The following SLC8A3 variants were observed in gnomAD, a reference collection of about 807,000 sequenced individuals.
The protein encoded by SLC8A3 is solute carrier family 8 member A3, also known as sodium/calcium exchanger 3.
In SLC8A3, 37 loss-of-function variants were observed where a neutral mutation model predicts 65.4. The ratio of observed to expected loss-of-function variants is 0.57; its 90% CI spans 0.44 to 0.74. The LOEUF (loss-of-function observed/expected upper bound fraction) is 0.74. Ranked by LOEUF, SLC8A3 falls within the 30% of genes least tolerant of loss-of-function variation. The probability of loss-of-function intolerance (pLI) is 0.00; values close to 1 mark genes in which losing one functional copy is unlikely to be tolerated. For missense variants in SLC8A3, 1,112 were observed against 1,172.1 expected, an observed-to-expected ratio of 0.95 and a Z score of 0.75; for synonymous variants, 461 against 444.5, an observed-to-expected ratio of 1.04 and a Z score of -0.47.
intron 1 of SLC8A3, among the ~76,000 whole-genome samples, chr14:70,171,282 A>T (rs536944117): frequency 6.6e-6 from 1 of 152,308 alleles, no homozygotes; most frequent in East Asian, 1.9e-4. Context: ...GACATGGAAC[A>T]TTGGGATGGT....
At chr14:70,126,647 G>T (rs1894478092) in intron 2 of SLC8A3, among the ~76,000 whole-genome samples, 1 of 150,642 alleles carries the variant, frequency 6.6e-6, no homozygotes, top group South Asian at 2.1e-4. Flanking sequence ...CTGTTCAAGG[G>T]GTGCCCAGAG....
At chr14:70,123,073 CAAAAAAAAAAAA>C (rs35933485) in intron 2 of SLC8A3, among the ~76,000 whole-genome samples, 1 of 89,480 alleles carries the variant, frequency 1.1e-5, no homozygotes, top group East Asian at 4.1e-4. Flanking sequence ...ACTCCATCTC[CAAAAAAAAAAAA>C]AAAAAAAAAA....
At chr14:70,078,879 A>G (rs1890780045) in intron 2 of SLC8A3, among the ~76,000 whole-genome samples, 1 of 152,242 alleles carries the variant, frequency 6.6e-6, no homozygotes, top group Non-Finnish European at 1.5e-5. Context: ...CCCATGGTTG[A>G]GGCTAAGCTT....
At chr14:70,138,517 G>T (rs1042624353) in intron 2 of SLC8A3, among the ~76,000 whole-genome samples, 2 of 152,144 alleles carry the variant, frequency 1.3e-5, no homozygotes, top group Non-Finnish European at 2.9e-5. Context: ...ACCATTCATC[G>T]GAATCAAGCA....
chr14:70,174,172 G>A (rs1031864917), intron 1 of SLC8A3, among the ~76,000 whole-genome samples: 3 of 152,198 alleles, frequency 2.0e-5, no homozygotes, highest in Non-Finnish European at 2.9e-5. Flanking sequence ...AGGTTTGAGC[G>A]CCCCTTCGAG....
intron 2 of SLC8A3, among the ~76,000 whole-genome samples, chr14:70,141,236 A>T (rs188128402): frequency 4.6e-5 from 7 of 152,354 alleles, no homozygotes; most frequent in Non-Finnish European, 1.0e-4. Flanking sequence ...GAAAGAGCTT[A>T]TCATTGCACA....
intron 2 of SLC8A3, among the ~76,000 whole-genome samples, chr14:70,126,546 A>AG: frequency 1.7e-5 from 1 of 57,218 alleles, no homozygotes; most frequent in East Asian, 7.7e-4. Flanking sequence ...AAGAAAGAAA[A>AG]TTCTCTCTCT....
intron 2 of SLC8A3, among the ~76,000 whole-genome samples, chr14:70,099,426 T>C (rs1332952072): frequency 1.3e-5 from 2 of 152,196 alleles, no homozygotes; most frequent in Non-Finnish European, 2.9e-5. Flanking sequence ...ATCAGATAGA[T>C]TTAGTTGCAA....
At chr14:70,148,876 C>T (rs1014398413) in intron 2 of SLC8A3, among the ~76,000 whole-genome samples, 5 of 152,058 alleles carry the variant, frequency 3.3e-5, no homozygotes, top group South Asian at 2.1e-4. Flanking sequence ...GTGATCAGGG[C>T]GTGAATATGA....
At chr14:70,119,678 G>A (rs1309218205) in intron 2 of SLC8A3, among the ~76,000 whole-genome samples, 3 of 152,138 alleles carry the variant, frequency 2.0e-5, no homozygotes, top group Non-Finnish European at 4.4e-5. Flanking sequence ...CCTGAATTTT[G>A]GATTTGCTAC....
intron 2 of SLC8A3, among the ~76,000 whole-genome samples, chr14:70,134,233 G>T (rs1307567268): frequency 1.3e-5 from 2 of 152,176 alleles, no homozygotes; most frequent in African/African-American, 4.8e-5. Context: ...CTGCTTTTGG[G>T]AAAGGTGCTC....
At chr14:70,091,341 G>A (rs1317512229) in intron 2 of SLC8A3, among the ~76,000 whole-genome samples, 2 of 151,998 alleles carry the variant, frequency 1.3e-5, no homozygotes, top group Non-Finnish European at 2.9e-5. Flanking sequence ...AAACAAACTC[G>A]GCTTTTAGCA....
intron 2 of SLC8A3, among the ~76,000 whole-genome samples, chr14:70,061,557 A>T (rs1888808386): frequency 6.9e-6 from 1 of 144,208 alleles, no homozygotes; most frequent in African/African-American, 2.6e-5. Context: ...AGAGAGTGAG[A>T]GAGAAAGAGA....
intron 4 of SLC8A3, 113 bp downstream of exon 4, chr14:70,051,877 G>T (rs939820850): frequency 2.4e-6 from 2 of 842,014 alleles, no homozygotes; most frequent in East Asian, 2.7e-5. Context: ...TAAGTGATTT[G>T]TTCAGTTTCA....
At chr14:70,083,057 G>A (rs1447050386) in intron 2 of SLC8A3, among the ~76,000 whole-genome samples, 2 of 152,158 alleles carry the variant, frequency 1.3e-5, no homozygotes, top group Non-Finnish European at 2.9e-5. Flanking sequence ...CCAAAGGAAG[G>A]TGGCCAATTC....
At position 70,048,983 on chromosome 14, in the gene SLC8A3, C is replaced by G; in HGVS notation, c.2173G>C (p.Val725Leu). The G allele has an allele frequency of 6.2e-7, 1 of 1,614,184 alleles. No individual in the cohort carries two copies. The highest frequency in any genetic ancestry group is 8.5e-7 in the Non-Finnish European group (1 of 1,180,004). Residue 725 changes from valine (V) to leucine (L), a missense_variant, in exon 6 of 7, where the codon GTC becomes CTC. Coordinates refer to ENST00000356921, the MANE Select transcript of SLC8A3 (RefSeq NM_182932.3). Reference sequence around the variant, plus strand: ...CAGAAGACAGTCAGGAAGTGCATGACGTAGTCAAAGCAGGAGGGCAGCCTC... The same window carrying G: ...CAGAAGACAGTCAGGAAGTGCATGAGGTAGTCAAAGCAGGAGGGCAGCCTC... ...EERLPSCFDY[V>L]MHFLTVFWKV...
intron 2 of SLC8A3, among the ~76,000 whole-genome samples, chr14:70,091,805 T>A (rs916316599): frequency 1.3e-5 from 2 of 152,238 alleles, no homozygotes; most frequent in Non-Finnish European, 2.9e-5. Context: ...ATAACTACAA[T>A]TACAAACTGG....
At position 70,188,694 on chromosome 14, in the gene SLC8A3, G is replaced by A. The variant is rs143337086; in HGVS notation, c.-378C>T. ...CGGATTTCAGAAAGAGGGAAACCCC[G>A]ACCCAGAGCGGTGACTGGAATCTAC... On this transcript the variant is annotated 5_prime_UTR_variant, in exon 1 of 7. Coordinates refer to ENST00000356921, the MANE Select transcript of SLC8A3 (RefSeq NM_182932.3). The A allele has an allele frequency of 3.3e-5, 5 of 152,198 alleles. No homozygotes were observed. Among genetic ancestry groups the A allele is most frequent in the Admixed American group, 1.3e-4 (2 of 15,284 alleles). The allele number at this position is 152,198 out of a possible 1,614,324, so 9.4% of individuals were successfully genotyped here.
At chr14:70,176,711 T>TCAGCA (rs1195318103) in intron 1 of SLC8A3, among the ~76,000 whole-genome samples, 1 of 152,224 alleles carries the variant, frequency 6.6e-6, no homozygotes, top group Non-Finnish European at 1.5e-5. Context: ...CCAAGAATAG[T>TCAGCA]CAGCATCAAT....
Sources: allele counts gnomAD v4.1 joint callset (sites outside exome capture counted in the v4.1 genomes callset), GRCh38; gene constraint gnomAD v4.1.1; transcripts MANE v1.5; gene names NCBI Gene and HGNC (gene_info 2026-07-23, HGNC 2026-07-21).